Variants in CACNA1E observed in about 807,000 individuals in gnomAD.
CACNA1E encodes the protein calcium voltage-gated channel subunit alpha1 E.
Under a neutral mutation model 259.2 loss-of-function variants are expected in CACNA1E, and 40 were observed. That is an observed-to-expected ratio of 0.15 (90% CI 0.12 to 0.20). The LOEUF (loss-of-function observed/expected upper bound fraction) is 0.20. Among genes scored for constraint, CACNA1E ranks in the 10% least tolerant of loss-of-function variants. CACNA1E has a pLI of 1.00. For missense variants in CACNA1E, 1,874 were observed against 3,040.1 expected (o/e 0.62, Z 9.02); for synonymous variants, 1,104 against 1,138.5 (o/e 0.97, Z 0.61).
intron 11 of CACNA1E, among the ~76,000 whole-genome samples, chr1:181,717,571 T>C (rs1654021440): frequency 6.6e-6 from 1 of 152,110 alleles, no homozygotes; most frequent in African/African-American, 2.4e-5. Context: ...ACTTCCTTTC[T>C]TAAGGAGGCT....
chr1:181,718,420 G>T (rs1159995067), intron 12 of CACNA1E, among the ~76,000 whole-genome samples: 1 of 151,982 alleles, frequency 6.6e-6, no homozygotes, highest in Non-Finnish European at 1.5e-5. Context: ...GTACACTTAA[G>T]TGTATAGCTC....
chr1:181,454,773 A>T (rs1172449978), intron 2 of CACNA1E, among the ~76,000 whole-genome samples: 2 of 152,170 alleles, frequency 1.3e-5, no homozygotes, highest in East Asian at 3.8e-4. Context: ...TCCTCCTCTG[A>T]CCTGATATTC....
intron 7 of CACNA1E, among the ~76,000 whole-genome samples, chr1:181,683,718 C>G (rs1650225260): frequency 6.6e-6 from 1 of 152,188 alleles, no homozygotes; most frequent in Non-Finnish European, 1.5e-5. Flanking sequence ...CATGAAGTCA[C>G]TTAGGATAAT....
chr1:181,405,712 T>C (rs1657416076), intron 1 of CACNA1E, among the ~76,000 whole-genome samples: 1 of 152,230 alleles, frequency 6.6e-6, no homozygotes, highest in South Asian at 2.1e-4. Flanking sequence ...TTACTACATT[T>C]CTGCTCTCCA....
At chr1:181,374,933 G>T (rs977693092) in intron 1 of CACNA1E, among the ~76,000 whole-genome samples, 2 of 152,056 alleles carry the variant, frequency 1.3e-5, no homozygotes, top group East Asian at 1.9e-4. Context: ...TATAATTTTT[G>T]TATTTCTACA....
intron 1 of CACNA1E, among the ~76,000 whole-genome samples, chr1:181,399,006 A>G (rs746364776): frequency 4.6e-5 from 7 of 152,154 alleles, no homozygotes; most frequent in Non-Finnish European, 8.8e-5. Flanking sequence ...GAGGACATAA[A>G]TATTAGGGAG....
chr1:181,486,730 C>T (rs1035366986), intron 1 of CACNA1E, among the ~76,000 whole-genome samples: 11 of 152,154 alleles, frequency 7.2e-5, no homozygotes, highest in African/African-American at 2.4e-4. Context: ...ATGCCTAAAA[C>T]ATTATCTAAT....
chr1:181,720,722 G>T, intron 14 of CACNA1E, 61 bp from the exon 15 acceptor site: 1 of 944,498 alleles, frequency 1.1e-6, no homozygotes. Context: ...TGATCTTGGG[G>T]AATGGAAAAC....
intron 1 of CACNA1E, among the ~76,000 whole-genome samples, chr1:181,353,061 G>A (rs1319559485): frequency 6.6e-6 from 1 of 152,178 alleles, no homozygotes; most frequent in African/African-American, 2.4e-5. Context: ...GTTATTGGCT[G>A]TGCTGCTATT....
intron 6 of CACNA1E, among the ~76,000 whole-genome samples, chr1:181,594,557 C>T (rs1160053391): frequency 6.6e-6 from 1 of 152,148 alleles, no homozygotes; most frequent in African/African-American, 2.4e-5. Context: ...TGCTACCATG[C>T]CAGACTAATT....
intron 4 of CACNA1E, 105 bp downstream of exon 4, chr1:181,577,974 G>A (rs1651138921): frequency 1.2e-5 from 8 of 672,756 alleles, no homozygotes; most frequent in East Asian, 2.9e-5. Context: ...TATTCCTCCT[G>A]GGAGGAAGCC....
At chr1:181,457,571 C>T (rs1378883042) in intron 2 of CACNA1E, among the ~76,000 whole-genome samples, 1 of 152,224 alleles carries the variant, frequency 6.6e-6, no homozygotes, top group African/African-American at 2.4e-5. Flanking sequence ...GCTCGGACAA[C>T]TTCTGCAGGG....
chr1:181,345,103 A>G (rs970275309), intron 1 of CACNA1E, among the ~76,000 whole-genome samples: 1 of 152,242 alleles, frequency 6.6e-6, no homozygotes, highest in Non-Finnish European at 1.5e-5. Flanking sequence ...TGCCAGCGCC[A>G]GAAGCCCCCT....
At chr1:181,550,972 T>C (rs773263953) in intron 3 of CACNA1E, among the ~76,000 whole-genome samples, 55 of 152,044 alleles carry the variant, frequency 3.6e-4, no homozygotes, top group Admixed American at 1.5e-3. Context: ...TTACGCTGTA[T>C]CAGCGCCAAA....
chr1:181,395,660 G>A (rs913467878), intron 1 of CACNA1E, among the ~76,000 whole-genome samples: 11 of 152,174 alleles, frequency 7.2e-5, no homozygotes, highest in East Asian at 3.9e-4. Context: ...GGGTTTGTGC[G>A]TTTGAAGAGC....
intron 1 of CACNA1E, among the ~76,000 whole-genome samples, chr1:181,391,190 A>G (rs1368985184): frequency 6.6e-6 from 1 of 152,154 alleles, no homozygotes; most frequent in Admixed American, 6.5e-5. Context: ...AGCCTCACCT[A>G]AGGGTGGTTT....
At position 181,765,400 on chromosome 1, in the gene CACNA1E, C is replaced by T. The variant is rs975193106; in HGVS notation, c.4816-1146C>T. Among the ~76,000 whole-genome samples, 5 of 152,182 alleles carry T rather than the reference C, an allele frequency of 3.3e-5. No individual in the cohort carries two copies. The East Asian group carries it at 9.6e-4, about 29-fold the overall frequency. On this transcript the variant is annotated intron_variant, in intron 34 of 47. Coordinates refer to ENST00000367573, the MANE Select transcript of CACNA1E (RefSeq NM_001205293.3). The stretch of plus-strand genomic sequence containing the variant: ...CACTGCAGGCACAAGAAACCCTGTC[C>T]TTCCTTCTGGCTTTCTGTAGAGGAG...
chr1:181,473,296 T>C (rs1404488123), intron 2 of CACNA1E, among the ~76,000 whole-genome samples: 6 of 152,200 alleles, frequency 3.9e-5, no homozygotes, highest in Non-Finnish European at 7.3e-5. Flanking sequence ...TTGGATAGAC[T>C]TAGCCATTCA....
chr1:181,492,848 G>A (rs1263766173), intron 1 of CACNA1E, among the ~76,000 whole-genome samples: 1 of 152,156 alleles, frequency 6.6e-6, no homozygotes, highest in Non-Finnish European at 1.5e-5. Flanking sequence ...AGGAGATGTT[G>A]AGCTCTAAAA....
Sources: allele counts gnomAD v4.1 joint callset (sites outside exome capture counted in the v4.1 genomes callset), GRCh38; gene constraint gnomAD v4.1.1; transcripts MANE v1.5; gene names NCBI Gene and HGNC (gene_info 2026-07-23, HGNC 2026-07-21).